FAM227B: variants seen among roughly 807,000 people sequenced by gnomAD.
FAM227B encodes family with sequence similarity 227 member B.
FAM227B carries 88 observed loss-of-function variants against 73.8 expected under a neutral mutation model. The ratio of observed to expected loss-of-function variants is 1.19; its 90% CI spans 1.00 to 1.42. The LOEUF (loss-of-function observed/expected upper bound fraction) is 1.42. Among genes scored for constraint, FAM227B ranks in the 40% most tolerant of loss-of-function variants. The pLI, the probability that FAM227B is intolerant of heterozygous loss-of-function variation, is 0.00. For missense variants in FAM227B, 632 were observed against 590.9 expected (o/e 1.07, Z -0.72); for synonymous variants, 210 against 190.5 (o/e 1.10, Z -0.84).
At chr15:49,491,734 C>CAT (rs34740099) in intron 11 of FAM227B, among the ~76,000 whole-genome samples, 4 of 150,822 alleles carry the variant, frequency 2.7e-5, no homozygotes, top group African/African-American at 4.9e-5. Flanking sequence ...CACACACACA[C>CAT]ATATATATAT....
At chr15:49,461,118 A>T (rs1258621146) in intron 11 of FAM227B, among the ~76,000 whole-genome samples, 1 of 152,042 alleles carries the variant, frequency 6.6e-6, no homozygotes, top group Non-Finnish European at 1.5e-5. Context: ...TATCTCTTCC[A>T]TCCTGATGAA....
chr15:49,378,358 T>C (rs1300406880), intron 11 of FAM227B, among the ~76,000 whole-genome samples: 5 of 152,084 alleles, frequency 3.3e-5, no homozygotes, highest in African/African-American at 1.2e-4. Context: ...GGTATTTTGA[T>C]AGGGATAGCA....
chr15:49,607,240 T>G (rs917361829), intron 3 of FAM227B, among the ~76,000 whole-genome samples: 2 of 152,122 alleles, frequency 1.3e-5, no homozygotes, highest in African/African-American at 4.8e-5. Context: ...TCCAAAAAGG[T>G]CCCCCTGTCA....
chr15:49,332,808 TTCTTCAGCAGTTAGACTAG>T (rs1290506425), intron 14 of FAM227B, among the ~76,000 whole-genome samples: 5 of 152,174 alleles, frequency 3.3e-5, no homozygotes, highest in African/African-American at 1.2e-4. Context: ...TAGCCAAGGT[TTCTTCAGCAGTTAGACTAG>T]TGCACCCCTG....
At chr15:49,360,667 G>C (rs1056140511) in intron 13 of FAM227B, among the ~76,000 whole-genome samples, 1 of 152,036 alleles carries the variant, frequency 6.6e-6, no homozygotes, top group Non-Finnish European at 1.5e-5. Flanking sequence ...CTAAATCCTA[G>C]ACATCAAAGT....
intron 14 of FAM227B, 109 bp from the exon 15 acceptor site, chr15:49,331,958 C>T (rs908129669): frequency 2.8e-6 from 2 of 703,196 alleles, no homozygotes; most frequent in Non-Finnish European, 5.1e-6. Context: ...ATTCGTCAAG[C>T]ACTTTACATA....
chr15:49,501,638 T>C (rs969749380), intron 11 of FAM227B, among the ~76,000 whole-genome samples: 1 of 152,212 alleles, frequency 6.6e-6, no homozygotes, highest in Admixed American at 6.5e-5. Context: ...AGCCTAGCCA[T>C]GTGGCAGAGA....
Position 49,371,985 on chromosome 15 carries a change from TATAA to T in FAM227B, c.1013-590_1013-587del, listed in dbSNP as rs1279276276. On this transcript the variant is annotated intron_variant, in intron 11 of 15. Transcript: ENST00000299338. Reference sequence around the variant, plus strand: ...ATAAATAAATGAAATAAAATTCACTTATAAATAAATGAAATAAAATTCACTTATA... The same window carrying T: ...ATAAATAAATGAAATAAAATTCACTTATAAATGAAATAAAATTCACTTATA... 2.4e-3 allele frequency among the ~76,000 whole-genome samples: 238 copies of T among 101,250 alleles called. 3 individuals are homozygous for T. The highest frequency in any genetic ancestry group is 9.3e-3 in the African/African-American group (226 of 24,382). 66.4% of individuals were successfully genotyped at this position (101,250 alleles called of 152,430 possible). A position where few individuals can be genotyped will look rare whatever the true frequency, so the allele number is the denominator to read the frequency against.
chr15:49,557,333 C>T (rs955078106), intron 9 of FAM227B, among the ~76,000 whole-genome samples: 2 of 151,954 alleles, frequency 1.3e-5, no homozygotes, highest in Non-Finnish European at 2.9e-5. Flanking sequence ...AGTTGAAAAT[C>T]CAGTCAATCT....
chr15:49,346,965 G>T (rs978855467), intron 13 of FAM227B, among the ~76,000 whole-genome samples: 5 of 152,118 alleles, frequency 3.3e-5, no homozygotes, highest in African/African-American at 1.2e-4. Context: ...CAACATCCAT[G>T]TATCAAAAAC....
At position 49,408,389 on chromosome 15, in the gene FAM227B, A is replaced by G. The variant is rs1175614540; in HGVS notation, c.1013-36990T>C. The stretch of plus-strand genomic sequence containing the variant: ...TTTTCTACTTATTGTTTGAGTTCAG[A>G]GGTTTCACCATGACATGGGTCTTCA... On this transcript the variant is annotated intron_variant, in intron 11 of 15. Coordinates refer to ENST00000299338, the MANE Select transcript of FAM227B (RefSeq NM_152647.3). 3.3e-5 allele frequency among the ~76,000 whole-genome samples: 5 copies of G among 152,320 alleles called. No individual in the cohort carries two copies. In the East Asian group the frequency reaches 9.6e-4, roughly 29 times the overall value.
At chr15:49,541,282 G>A (rs752242585) in intron 10 of FAM227B, among the ~76,000 whole-genome samples, 4 of 151,916 alleles carry the variant, frequency 2.6e-5, no homozygotes, top group Non-Finnish European at 4.4e-5. Flanking sequence ...GGTTTTCCTT[G>A]ATTAATGTTC....
intron 11 of FAM227B, among the ~76,000 whole-genome samples, chr15:49,482,157 T>C (rs1296669371): frequency 1.3e-5 from 2 of 152,128 alleles, no homozygotes; most frequent in Admixed American, 1.3e-4. Context: ...TGTACCTTCA[T>C]GTAGAAAATG....
chr15:49,503,975 A>G (rs1304547030), intron 11 of FAM227B, among the ~76,000 whole-genome samples: 1 of 152,042 alleles, frequency 6.6e-6, no homozygotes, highest in African/African-American at 2.4e-5. Context: ...ACACATGCAC[A>G]CGTATGTTTA....
intron 4 of FAM227B, among the ~76,000 whole-genome samples, chr15:49,588,364 C>T (rs2076299957): frequency 6.6e-6 from 1 of 150,590 alleles, no homozygotes. Context: ...TCAATCCCTT[C>T]TCCTAAAAAA....
At position 49,328,612 on chromosome 15, in the gene FAM227B, G is replaced by A. The variant is rs927481555; in HGVS notation, c.1483C>T (p.Pro495Ser). The A allele has an allele frequency of 1.0e-5, 16 of 1,590,824 alleles. No individual in the cohort carries two copies. Among genetic ancestry groups the A allele is most frequent in the Non-Finnish European group, 1.4e-5 (16 of 1,165,224 alleles). ...AAGTTGTAGTTGTCTGTTGATGATGGTGATGATGATGATGATGACGATAGT... is the reference window on the plus strand; with the variant it reads ...AAGTTGTAGTTGTCTGTTGATGATGATGATGATGATGATGATGACGATAGT... ...ASLSSSSSSS[P>S]SSTDNYNFEE... Residue 495 changes from proline to serine, a missense_variant, in exon 16 of 16, where the codon CCA (proline) becomes TCA (serine). Coordinates refer to ENST00000299338, the MANE Select transcript of FAM227B (RefSeq NM_152647.3).
intron 11 of FAM227B, among the ~76,000 whole-genome samples, chr15:49,420,172 A>C (rs2151727660): frequency 6.6e-6 from 1 of 152,286 alleles, no homozygotes; most frequent in African/African-American, 2.4e-5. Flanking sequence ...CTACTTCTGG[A>C]AATTGATCCT....
At chr15:49,404,839 G>C (rs2048408904) in intron 11 of FAM227B, among the ~76,000 whole-genome samples, 1 of 151,674 alleles carries the variant, frequency 6.6e-6, no homozygotes. Context: ...GCTTGTTTAT[G>C]TGGTTGTTTT....
intron 13 of FAM227B, among the ~76,000 whole-genome samples, chr15:49,342,071 G>A (rs182548577): frequency 1.8e-4 from 28 of 152,244 alleles, no homozygotes; most frequent in Non-Finnish European, 2.9e-4. Flanking sequence ...TCTAAATCAA[G>A]TCCTGAGTTT....
Sources: allele counts gnomAD v4.1 joint callset (sites outside exome capture counted in the v4.1 genomes callset), GRCh38; gene constraint gnomAD v4.1.1; transcripts MANE v1.5; gene names NCBI Gene and HGNC (gene_info 2026-07-23, HGNC 2026-07-21).